PACS2: variants seen among roughly 807,000 people sequenced by gnomAD.
PACS2 encodes the protein phosphofurin acidic cluster sorting protein 2, also known as PACS1-like protein.
A neutral mutation model predicts 113.0 loss-of-function variants in PACS2; 36 were observed. The ratio of observed to expected loss-of-function variants is 0.32; its 90% CI spans 0.24 to 0.42. The LOEUF is 0.42. PACS2 is among the 10% of genes least tolerant of loss of function. The pLI is 1.00. For missense variants in PACS2, 1,015 were observed against 1,239.5 expected (o/e 0.82, Z 2.72); for synonymous variants, 589 against 536.1 (o/e 1.10, Z -1.36).
chr14:105,325,075 C>T (rs1023744443), intron 1 of PACS2, among the ~76,000 whole-genome samples: 11 of 151,876 alleles, frequency 7.2e-5, no homozygotes, highest in African/African-American at 1.5e-4. Context: ...CCCCTGCCCC[C>T]GGACACAGGC....
chr14:105,341,189 C>T (rs587615202), intron 1 of PACS2, among the ~76,000 whole-genome samples: 1 of 152,306 alleles, frequency 6.6e-6, no homozygotes, highest in Non-Finnish European at 1.5e-5. Context: ...TTCTTGTTGG[C>T]AGGCCTGTGG....
intron 1 of PACS2, among the ~76,000 whole-genome samples, chr14:105,301,646 C>T (rs1330424808): frequency 6.6e-6 from 1 of 152,242 alleles, no homozygotes; most frequent in Non-Finnish European, 1.5e-5. Flanking sequence ...CCCCGTGCGC[C>T]CCGCTATTCT....
rs929917005 is a variant in PACS2 at position 105,358,129 on chromosome 14, G to C, written c.423+2952G>C. On this transcript the variant is annotated intron_variant, in intron 4 of 24. Transcript: ENST00000447393. This position sits in a 1 kb window ranked among gnomAD's most constrained non-coding sequence, Gnocchi z 4.9. ...CCACACCATAGCTCTGCCCTCACCT[G>C]GCACTCATTCTGTGTGAGCTGAGGC... Among the ~76,000 whole-genome samples, 1 of 152,320 alleles carries C rather than the reference G, an allele frequency of 6.6e-6. No individual in the cohort carries two copies. The highest frequency in any genetic ancestry group is 3.4e-3 in the Middle Eastern group (1 of 294).
In PACS2 at chr14:105,301,545, C is replaced by T. The variant is rs1173685735; in HGVS notation, c.-83+566C>T. Among the ~76,000 whole-genome samples, 10 of 152,250 alleles carry T rather than the reference C, an allele frequency of 6.6e-5. No homozygotes were observed. The South Asian group carries it at 1.9e-3, about 28-fold the overall frequency. On this transcript the variant is annotated intron_variant, in intron 1 of 23. Coordinates refer to the PACS2 transcript ENST00000430725. ...GGGCAGCTGCGCTGGGGGGCCTGGCCGCAGAGGTGGAGACACCCGCCAGGG... is the reference window on the plus strand; with the variant it reads ...GGGCAGCTGCGCTGGGGGGCCTGGCTGCAGAGGTGGAGACACCCGCCAGGG...
rs976574849 is a variant in PACS2, at chr14:105,329,841, C to T, written c.119+14804C>T. 2.6e-5 allele frequency among the ~76,000 whole-genome samples: 4 copies of T among 152,168 alleles called. No homozygotes were observed. The highest frequency in any genetic ancestry group is 5.9e-5 in the Non-Finnish European group (4 of 68,020). Reference sequence around the variant, plus strand: ...TTCCAGGAGGGTGAGGTCTCTGCAGCGGGAGCATCCAGGCCTGGAACTCGA... The same window carrying T: ...TTCCAGGAGGGTGAGGTCTCTGCAGTGGGAGCATCCAGGCCTGGAACTCGA... On this transcript the variant is annotated intron_variant, in intron 1 of 24. Coordinates refer to ENST00000447393, the MANE Select transcript of PACS2 (RefSeq NM_001100913.3). The surrounding 1 kb of genome is among the most constrained non-coding windows in gnomAD (Gnocchi z 6.4).
At chr14:105,384,758 G>A (rs1250326864) in intron 17 of PACS2, 121 bp from the exon 18 acceptor site, 3 of 691,036 alleles carry the variant, frequency 4.3e-6, no homozygotes, top group Admixed American at 4.3e-5. Flanking sequence ...TGCAACCAGC[G>A]AGCCCTGCCG....
intron 4 of PACS2, among the ~76,000 whole-genome samples, chr14:105,362,852 A>G (rs1177010412): frequency 6.6e-6 from 1 of 152,196 alleles, no homozygotes; most frequent in Admixed American, 6.5e-5. Context: ...CTCCAACTCA[A>G]ATAATAATAA....
intron 6 of PACS2, 135 bp downstream of exon 6, chr14:105,368,282 C>T (rs1331612654): frequency 1.6e-5 from 13 of 807,876 alleles, no homozygotes; most frequent in Non-Finnish European, 2.6e-5. Flanking sequence ...GTTGGCCGCC[C>T]ATCTCTCGTC....
chr14:105,362,436 GA>G (rs1158824274), intron 4 of PACS2, among the ~76,000 whole-genome samples: 66 of 146,180 alleles, frequency 4.5e-4, no homozygotes, highest in Admixed American at 1.2e-3. Flanking sequence ...AAAAAGAAAA[GA>G]AAAAAAAAGA....
chr14:105,321,834 C>G lies in PACS2; in HGVS notation c.119+6797C>G, dbSNP rs372624318. Among the ~76,000 whole-genome samples the G allele has an allele frequency of 7.2e-5, 11 of 151,884 alleles. No homozygotes were observed. The East Asian group carries it at 2.1e-3, about 29-fold the overall frequency. ...CTTTTGGATAATTTTTGCCTGTTAG[C>G]TATTTTTCTATCCTTTTTAAAAACC... On this transcript the variant is annotated intron_variant, in intron 1 of 24. Coordinates refer to ENST00000447393, the MANE Select transcript of PACS2 (RefSeq NM_001100913.3).
At chr14:105,359,246 A>G (rs2060576501) in intron 4 of PACS2, among the ~76,000 whole-genome samples, 1 of 151,004 alleles carries the variant, frequency 6.6e-6, no homozygotes, top group Non-Finnish European at 1.5e-5. Flanking sequence ...TGCCATCGTC[A>G]GTGCCCTATT....
chr14:105,301,788 C>T (rs2058038661), intron 1 of PACS2, among the ~76,000 whole-genome samples: 1 of 151,810 alleles, frequency 6.6e-6, no homozygotes, highest in Admixed American at 6.5e-5. Context: ...CAAATATCTG[C>T]AGGTGCTGTT....
intron 8 of PACS2, chr14:105,372,073 A>ACAAACGTTCACAG (rs1280647321): frequency 6.6e-6 from 1 of 152,232 alleles, no homozygotes; most frequent in Non-Finnish European, 1.5e-5. Context: ...TTTTGGGGGT[A>ACAAACGTTCACAG]CAAACGTTCA....
chr14:105,362,403 C>T (rs1417056285), intron 4 of PACS2, among the ~76,000 whole-genome samples: 1 of 139,046 alleles, frequency 7.2e-6, no homozygotes, highest in Non-Finnish European at 1.5e-5. Context: ...GGCGACAGAG[C>T]GAGACTCCGT....
intron 1 of PACS2, among the ~76,000 whole-genome samples, chr14:105,319,547 A>G (rs181043497): frequency 7.5e-4 from 115 of 152,364 alleles, no homozygotes; most frequent in Non-Finnish European, 1.4e-3. Flanking sequence ...CAAAGAAATC[A>G]GTGATTTTAC....
At chr14:105,304,814 G>T (rs2058138206) in intron 1 of PACS2, among the ~76,000 whole-genome samples, 1 of 152,240 alleles carries the variant, frequency 6.6e-6, no homozygotes, top group Non-Finnish European at 1.5e-5. Flanking sequence ...CTTCTGCAGG[G>T]AAACTCCCTC....
chr14:105,331,970 T>G (rs1167400489), intron 1 of PACS2, among the ~76,000 whole-genome samples: 1 of 152,208 alleles, frequency 6.6e-6, no homozygotes, highest in Non-Finnish European at 1.5e-5. Context: ...TGGCCTCTGT[T>G]GTGGTTTTGA....
rs2081101843 is a variant in PACS2, at chr14:105,384,441, C to G, written c.1869C>G (p.Asn623Lys). Residue 623 changes from asparagine to lysine, a missense_variant, in exon 17 of 25, where the codon AAC becomes AAG. Coordinates refer to ENST00000447393, the MANE Select transcript of PACS2 (RefSeq NM_001100913.3). ...FQDLAWRDLF[N>K]KLEAQSAVQD... ...ACCTGGCCTGGAGAGACCTGTTCAACAAGCTGGAGGCCCAGAGTGCGGGTG... is the reference window on the plus strand; with the variant it reads ...ACCTGGCCTGGAGAGACCTGTTCAAGAAGCTGGAGGCCCAGAGTGCGGGTG... The G allele has an allele frequency of 6.2e-7, 1 of 1,611,514 alleles. No individual in the cohort carries two copies. Among genetic ancestry groups the G allele is most frequent in the Non-Finnish European group, 8.5e-7 (1 of 1,179,148 alleles).
chr14:105,372,573 A>T (rs2061196212), intron 8 of PACS2: 1 of 152,190 alleles, frequency 6.6e-6, no homozygotes, highest in African/African-American at 2.4e-5. Flanking sequence ...TTAACACAAT[A>T]AAAAAAGTAG....
Sources: gnomAD v4.1 joint callset for allele counts (sites outside exome capture counted in the v4.1 genomes callset) on GRCh38, gnomAD v4.1.1 for gene constraint, Gnocchi (gnomAD v3.1) non-coding constraint, MANE v1.5 for transcripts, NCBI Gene and HGNC (gene_info 2026-07-23, HGNC 2026-07-21) for gene names.